The following MED17 variants were observed in gnomAD, a reference collection of about 807,000 sequenced individuals.
The protein encoded by MED17 is mediator complex subunit 17.
MED17 carries 49 observed loss-of-function variants against 80.8 expected under a neutral mutation model. That is an observed-to-expected ratio of 0.61 (90% CI 0.48 to 0.77). MED17 has a LOEUF of 0.77. MED17 is among the 30% of genes least tolerant of loss of function. The pLI, the probability that MED17 is intolerant of heterozygous loss-of-function variation, is 0.00. For synonymous variants in MED17, 281 were observed against 280.4 expected (o/e 1.00, Z -0.02); for missense variants, 718 against 787.0 (o/e 0.91, Z 1.05).
chr11:93,808,881 A>G (rs1350375894), intron 10 of MED17: 4 of 152,504 alleles, frequency 2.6e-5, no homozygotes. Context: ...GGCCAGAGGA[A>G]TGGCACTCAT....
At position 93,812,137 on chromosome 11, in the gene MED17, C is replaced by A; in HGVS notation, c.*73C>A. The A allele has an allele frequency of 8.0e-7, 1 of 1,257,004 alleles. No homozygotes were observed. Among genetic ancestry groups the A allele is most frequent in the Non-Finnish European group, 1.2e-6 (1 of 858,188 alleles). The allele number at this position is 1,257,004 out of a possible 1,614,324, so 77.9% of individuals were successfully genotyped here. A position where few individuals can be genotyped will look rare whatever the true frequency, so the allele number is the denominator to read the frequency against. On this transcript the variant is annotated 3_prime_UTR_variant, in exon 12 of 12. Coordinates refer to ENST00000251871, the MANE Select transcript of MED17 (RefSeq NM_004268.5). ...AATGTTTGCAGATCAACTATAAGCA[C>A]AAAGAAGAGATAACTTCCAAAAGAG...
chr11:93,791,655 G>A (rs1365500133), intron 3 of MED17, among the ~76,000 whole-genome samples: 4 of 151,884 alleles, frequency 2.6e-5, no homozygotes, highest in Non-Finnish European at 5.9e-5. Flanking sequence ...GCAGTGAGCC[G>A]AGATTGCACC....
At chr11:93,790,969 G>A (rs1019688079) in intron 3 of MED17, among the ~76,000 whole-genome samples, 176 bp downstream of exon 3, 11 of 152,150 alleles carry the variant, frequency 7.2e-5, no homozygotes, top group African/African-American at 2.7e-4. Context: ...TTAGCCAGGC[G>A]TGGTAACACG....
At chr11:93,801,020 C>T (rs1943956541) in intron 8 of MED17, 1 of 152,042 alleles carries the variant, frequency 6.6e-6, no homozygotes, top group African/African-American at 2.4e-5. Context: ...TGCTTTGGTT[C>T]TAAGTGTTGG....
In MED17 at chr11:93,807,748, T is replaced by G. The variant is rs72978409; in HGVS notation, c.1584+113T>G. ...AATTGTGTAAGAAGAAAAAAAATTTTTTTCCAGTAGAAATTAAATTCTGTT... is the reference window on the plus strand; with the variant it reads ...AATTGTGTAAGAAGAAAAAAAATTTGTTTCCAGTAGAAATTAAATTCTGTT... On this transcript the variant is annotated intron_variant, in intron 10 of 11. Transcript: ENST00000251871. 175,541 of 776,998 alleles carry G rather than the reference T, an allele frequency of 0.23. 21,596 individuals are homozygous for G. The highest frequency in any genetic ancestry group is 0.26 in the Non-Finnish European group (111,520 of 431,600). 48.1% of individuals were successfully genotyped at this position (776,998 alleles called of 1,614,324 possible).
chr11:93,787,976 CT>C lies in MED17; in HGVS notation c.251-17del, dbSNP rs747026834. The C allele has an allele frequency of 1.0e-5, 16 of 1,605,096 alleles. No individual in the cohort carries two copies. The African/African-American group carries it at 1.2e-4, about 12-fold the overall frequency. Reference sequence around the variant, plus strand: ...CAATGTAACGAATACTTCTGTATTTCTTTTTTTTCTCTCTCTCTTTTTAGGA... The same window carrying C: ...CAATGTAACGAATACTTCTGTATTTCTTTTTTTCTCTCTCTCTTTTTAGGA... On this transcript the variant is annotated intron_variant, in intron 1 of 11. Transcript: ENST00000251871.
intron 3 of MED17, 32 bp downstream of exon 3, chr11:93,790,825 G>A (rs374425186): frequency 2.5e-4 from 403 of 1,586,380 alleles, no homozygotes; most frequent in Admixed American, 5.0e-4. Context: ...TATACTTTCT[G>A]GCCAGGTGTG....
chr11:93,797,595 C>G lies in MED17; in HGVS notation c.1204C>G (p.His402Asp). Residue 402 changes from histidine to aspartate, a missense_variant, in exon 8 of 12, where the codon CAC (histidine) becomes GAC (aspartate). Transcript: ENST00000251871. ...MPHPASAPFG[H>D]KRMRLSGPQA... ...TCATCCAGCAAGTGCACCTTTTGGCCACAAGAGAATGAGACTTTCGGGTCC... is the reference window on the plus strand; with the variant it reads ...TCATCCAGCAAGTGCACCTTTTGGCGACAAGAGAATGAGACTTTCGGGTCC... 4 of 1,614,034 alleles carry G rather than the reference C, an allele frequency of 2.5e-6. No individual in the cohort carries two copies. The highest frequency in any genetic ancestry group is 3.4e-6 in the Non-Finnish European group (4 of 1,179,974).
intron 9 of MED17, among the ~76,000 whole-genome samples, chr11:93,802,266 C>G (rs1943970969): frequency 6.6e-6 from 1 of 151,908 alleles, no homozygotes; most frequent in African/African-American, 2.4e-5. Context: ...CCATGCCCAG[C>G]TAATTAAAAA....
chr11:93,814,045 A>AT lies in MED17; in HGVS notation c.*1987dup. The AT allele has an allele frequency of 6.6e-6, 1 of 152,270 alleles. No individual in the cohort carries two copies. Among genetic ancestry groups the AT allele is most frequent in the Non-Finnish European group, 1.5e-5 (1 of 68,052 alleles). 9.4% of individuals were successfully genotyped at this position (152,270 alleles called of 1,614,324 possible). Reference sequence around the variant, plus strand: ...AAATATAAACATTTCTGAATGCTTTATTTTTTATTTCTCTGCTTGTCATGA... The same window carrying AT: ...AAATATAAACATTTCTGAATGCTTTATTTTTTTATTTCTCTGCTTGTCATGA... On this transcript the variant is annotated 3_prime_UTR_variant, in exon 12 of 12. Transcript: ENST00000251871.
intron 8 of MED17, among the ~76,000 whole-genome samples, chr11:93,799,866 T>C (rs1187940872): frequency 8.5e-6 from 1 of 117,710 alleles, no homozygotes; most frequent in Admixed American, 7.7e-5. Context: ...TGTGTCAGAG[T>C]GTGTGTGTGT....
At chr11:93,792,081 C>CA (rs1555032631) in intron 3 of MED17, among the ~76,000 whole-genome samples, 2 of 151,998 alleles carry the variant, frequency 1.3e-5, no homozygotes, top group Admixed American at 6.6e-5. Flanking sequence ...AGGCAGTCAG[C>CA]GGGCTGGCTA....
intron 9 of MED17, among the ~76,000 whole-genome samples, chr11:93,804,912 G>GA (rs796961999): frequency 5.3e-4 from 81 of 152,278 alleles, no homozygotes; most frequent in African/African-American, 1.9e-3. Context: ...GATCAATTAG[G>GA]AAAAACTATA....
chr11:93,804,134 G>C (rs1226695687), intron 9 of MED17, among the ~76,000 whole-genome samples: 3 of 151,656 alleles, frequency 2.0e-5, no homozygotes, highest in African/African-American at 7.3e-5. Context: ...CGGCTGAGAA[G>C]CAAGGAGAGT....
At chr11:93,787,412 CAAAAAGAAAAA>C (rs764691188) in intron 1 of MED17, among the ~76,000 whole-genome samples, 4 of 147,474 alleles carry the variant, frequency 2.7e-5, no homozygotes, top group Admixed American at 1.3e-4. Flanking sequence ...GACTTTGTCT[CAAAAAGAAAAA>C]AAAAAGAAAA....
intron 8 of MED17, among the ~76,000 whole-genome samples, chr11:93,800,103 C>T (rs1370965835): frequency 6.6e-6 from 1 of 151,916 alleles, no homozygotes; most frequent in Non-Finnish European, 1.5e-5. Context: ...TTTAATGGTT[C>T]TCGTAATGCT....
intron 9 of MED17, among the ~76,000 whole-genome samples, chr11:93,802,463 A>G (rs1943973026): frequency 6.6e-6 from 1 of 152,068 alleles, no homozygotes; most frequent in Non-Finnish European, 1.5e-5. Flanking sequence ...GTCTGTTTTT[A>G]AACATTGTAA....
intron 1 of MED17, 54 bp downstream of exon 1, chr11:93,784,817 C>G: frequency 6.5e-7 from 1 of 1,529,692 alleles, no homozygotes; most frequent in Non-Finnish European, 8.7e-7. Context: ...AGCACCCGCG[C>G]GGGCCTCCGC....
chr11:93,814,903 A>C lies in MED17; in HGVS notation c.*2839A>C, dbSNP rs779598481. On this transcript the variant is annotated 3_prime_UTR_variant, in exon 12 of 12. Transcript: ENST00000251871. Reference sequence around the variant, plus strand: ...GCCCTTAAATGCTGGGATTACAGGTATGAGCCACCATGCCTGGCCTCCTTA... The same window carrying C: ...GCCCTTAAATGCTGGGATTACAGGTCTGAGCCACCATGCCTGGCCTCCTTA... 6.6e-6 allele frequency: 1 copy of C among 152,228 alleles called. No homozygotes were observed. Among genetic ancestry groups the C allele is most frequent in the Non-Finnish European group, 1.5e-5 (1 of 68,036 alleles). 9.4% of individuals were successfully genotyped at this position (152,228 alleles called of 1,614,324 possible).
Sources: gnomAD v4.1 joint callset for allele counts (sites outside exome capture counted in the v4.1 genomes callset) on GRCh38, gnomAD v4.1.1 for gene constraint, MANE v1.5 for transcripts, NCBI Gene and HGNC (gene_info 2026-07-23, HGNC 2026-07-21) for gene names.